The following SMTNL2 variants were observed in gnomAD, a reference collection of about 807,000 sequenced individuals.
SMTNL2 encodes the protein smoothelin-like protein 2.
A neutral mutation model predicts 44.1 loss-of-function variants in SMTNL2; 43 were observed. That is an observed-to-expected ratio of 0.98 (90% CI 0.76 to 1.26). The LOEUF (loss-of-function observed/expected upper bound fraction) is 1.26, where lower values mean the gene tolerates loss of function less well. Among genes scored for constraint, SMTNL2 ranks in the 50% most tolerant of loss-of-function variants. The pLI, the probability that SMTNL2 is intolerant of heterozygous loss-of-function variation, is 0.00. For synonymous variants in SMTNL2, 317 were observed against 287.6 expected, an observed-to-expected ratio of 1.10 and a Z score of -1.03; for missense variants, 646 against 670.2, an observed-to-expected ratio of 0.96 and a Z score of 0.40.
rs1281245963 is a variant in SMTNL2, at chr17:4,603,848, C to CT, written c.1260-3505dup. On this transcript the variant is annotated intron_variant, in intron 7 of 7. Transcript: ENST00000389313. Reference sequence around the variant, plus strand: ...CTGAACTCAGATTTTCTTTTCTTTCCTTTTTTTTCCCCTTGAGATAGAGTC... The same window carrying CT: ...CTGAACTCAGATTTTCTTTTCTTTCCTTTTTTTTTCCCCTTGAGATAGAGTC... 1.3e-4 allele frequency among the ~76,000 whole-genome samples: 19 copies of CT among 151,660 alleles called. 1 individual carries two copies. The highest frequency in any genetic ancestry group is 7.9e-4 in the Admixed American group (12 of 15,202).
Position 4,607,077 on chromosome 17 carries a change from CCT to C in SMTNL2, c.1260-283_1260-282del, listed in dbSNP as rs1231572873. The stretch of plus-strand genomic sequence containing the variant: ...TCATGCCTGGGCAACAGAGCAAGCC[CCT>C]GTCTCTAAAAAAAAAACCCAAATTA... On this transcript the variant is annotated intron_variant, in intron 7 of 7. Transcript: ENST00000389313. The surrounding 1 kb of genome is among the most constrained non-coding windows in gnomAD (Gnocchi z 4.7). Among the ~76,000 whole-genome samples the C allele has an allele frequency of 2.6e-5, 4 of 151,972 alleles. No individual in the cohort carries two copies. Among genetic ancestry groups the C allele is most frequent in the Admixed American group, 1.3e-4 (2 of 15,256 alleles).
At chr17:4,593,401 TAC>T (rs1909666365) in intron 3 of SMTNL2, among the ~76,000 whole-genome samples, 1 of 152,214 alleles carries the variant, frequency 6.6e-6, no homozygotes, top group Admixed American at 6.5e-5. Context: ...TGGCTTTTAT[TAC>T]AGTTGGAAGG....
At chr17:4,590,409 G>A (rs1381544960) in intron 1 of SMTNL2, among the ~76,000 whole-genome samples, 6 of 152,054 alleles carry the variant, frequency 3.9e-5, no homozygotes, top group African/African-American at 1.5e-4. Context: ...TCATCCCAGG[G>A]CCCCTAAGCT....
intron 1 of SMTNL2, among the ~76,000 whole-genome samples, chr17:4,585,332 C>CT (rs1217670197): frequency 2.0e-5 from 3 of 152,274 alleles, no homozygotes; most frequent in Non-Finnish European, 4.4e-5. Flanking sequence ...CTGTTCAGCA[C>CT]TGCCTGGAGC....
chr17:4,586,330 C>T (rs561711418), intron 1 of SMTNL2, among the ~76,000 whole-genome samples: 2 of 152,194 alleles, frequency 1.3e-5, no homozygotes, highest in Admixed American at 6.5e-5. Context: ...TGACACTCTA[C>T]GTGACCATGG....
intron 4 of SMTNL2, among the ~76,000 whole-genome samples, chr17:4,594,875 C>T (rs1909741130): frequency 6.6e-6 from 1 of 152,166 alleles, no homozygotes; most frequent in Non-Finnish European, 1.5e-5. Flanking sequence ...TCCCTCTGTC[C>T]TCCCCAGGCA....
At chr17:4,584,430 A>AG, upstream of SMTNL2, 2 of 569,894 alleles carry the variant, frequency 3.5e-6, no homozygotes, top group Non-Finnish European at 5.1e-6. Context: ...GCTCCAGGGC[A>AG]GGGGGGTGTC....
At chr17:4,589,961 TTTTTTTTTTTTTTTTTTTTTTTTG>T (rs1346002372) in intron 1 of SMTNL2, among the ~76,000 whole-genome samples, 59 of 55,142 alleles carry the variant, frequency 1.1e-3, no homozygotes, top group Middle Eastern at 9.1e-3. Flanking sequence ...TTTTTTTTTT[TTTTTTTTTTTTTTTTTTTTTTTTG>T]AGACAGAGTC....
chr17:4,597,471 T>G, intron 7 of SMTNL2, 148 bp downstream of exon 7: 1 of 1,115,472 alleles, frequency 9.0e-7, no homozygotes, highest in Admixed American at 2.7e-5. Flanking sequence ...TGTGTACCTC[T>G]TGTGCAGATG....
chr17:4,590,572 T>C (rs1909532539), intron 1 of SMTNL2, among the ~76,000 whole-genome samples: 1 of 152,088 alleles, frequency 6.6e-6, no homozygotes, highest in Non-Finnish European at 1.5e-5. Context: ...CCTCAACATG[T>C]CCCAACTGAA....
At chr17:4,604,681 C>CT (rs199651135) in intron 7 of SMTNL2, among the ~76,000 whole-genome samples, 7,414 of 151,414 alleles carry the variant, frequency 0.049, 486 homozygotes, top group African/African-American at 0.15. Context: ...TGATTTTTTT[C>CT]TTTTTTTTTG....
At position 4,600,625 on chromosome 17, in the gene SMTNL2, T is replaced by G. The variant is rs2150524776; in HGVS notation, c.1259+3302T>G. On this transcript the variant is annotated intron_variant, in intron 7 of 7. Transcript: ENST00000389313. The surrounding 1 kb of genome is among the most constrained non-coding windows in gnomAD (Gnocchi z 4.7). ...TTCCCGGTGGCCTAATCTGTGTGAA[T>G]GATGCAGTGTTGACAGCACAGCGAG... is the stretch of plus-strand genomic sequence containing the variant. Among the ~76,000 whole-genome samples the G allele has an allele frequency of 6.6e-6, 1 of 152,258 alleles. No individual in the cohort carries two copies. Among genetic ancestry groups the G allele is most frequent in the African/African-American group, 2.4e-5 (1 of 41,558 alleles).
chr17:4,590,338 C>T (rs985940988), intron 1 of SMTNL2, among the ~76,000 whole-genome samples: 2 of 152,072 alleles, frequency 1.3e-5, no homozygotes, highest in African/African-American at 2.4e-5. Flanking sequence ...GCTCCTCCTA[C>T]GTCTCTGGCT....
intron 7 of SMTNL2, among the ~76,000 whole-genome samples, chr17:4,605,601 T>C (rs1157748263): frequency 6.6e-6 from 1 of 152,164 alleles, no homozygotes. Flanking sequence ...AAATGAAGTG[T>C]GTTGCCCACA....
Position 4,584,762 on chromosome 17 carries a change from G to C in SMTNL2, c.157G>C (p.Ala53Pro). 1 of 1,309,216 alleles carries C rather than the reference G, an allele frequency of 7.6e-7. No individual in the cohort carries two copies. The highest frequency in any genetic ancestry group is 9.7e-7 in the Non-Finnish European group (1 of 1,032,590). 81.1% of individuals were successfully genotyped at this position (1,309,216 alleles called of 1,614,324 possible). The stretch of plus-strand genomic sequence containing the variant: ...GCGAGTGGCAGAGGCGATGCGCCTG[G>C]CCGGCCCCCTGGCGCGCACGGTGGC... ...ERRVAEAMRL[A>P]GPLARTVADL... Residue 53 changes from alanine (A) to proline (P), a missense_variant, in exon 1 of 8, where the codon GCC becomes CCC. Physicochemically the swap from Ala to Pro is conservative, Grantham distance 27. Transcript: ENST00000389313.
chr17:4,589,298 C>A (rs1269389497), intron 1 of SMTNL2, among the ~76,000 whole-genome samples: 2 of 152,140 alleles, frequency 1.3e-5, no homozygotes, highest in Admixed American at 1.3e-4. Flanking sequence ...CTCAGCCTTT[C>A]CCCCCAGAGC....
Position 4,607,558 on chromosome 17 carries a change from C to A in SMTNL2, c.*71C>A. The A allele has an allele frequency of 6.3e-7, 1 of 1,580,716 alleles. No individual in the cohort carries two copies. Among genetic ancestry groups the A allele is most frequent in the South Asian group, 1.1e-5 (1 of 87,498 alleles). ...GGGGGTCCGCTTGCGATTCCCCAGC[C>A]AGGATGCCCCCAGGAGCCTTGCCGT... is the stretch of plus-strand genomic sequence containing the variant. On this transcript the variant is annotated 3_prime_UTR_variant, in exon 8 of 8. Transcript: ENST00000389313. The surrounding 1 kb of genome is among the most constrained non-coding windows in gnomAD (Gnocchi z 4.7).
At position 4,589,675 on chromosome 17, in the gene SMTNL2, C is replaced by T. The variant is rs145906234; in HGVS notation, c.400-2686C>T. ...GCAGATGCTCCCCTCACCTTTCTCA[C>T]CCTATGAATGTGGTCTTGCCTCTTC... On this transcript the variant is annotated intron_variant, in intron 1 of 7. Coordinates refer to ENST00000389313, the MANE Select transcript of SMTNL2 (RefSeq NM_001114974.2). Among the ~76,000 whole-genome samples, 1,490 of 152,266 alleles carry T rather than the reference C, an allele frequency of 9.8e-3. 12 individuals carry two copies. The highest frequency in any genetic ancestry group is 0.016 in the Non-Finnish European group (1,064 of 68,012).
chr17:4,592,493 TTAAG>T lies in SMTNL2; in HGVS notation c.487+50_487+53del, dbSNP rs751090520. 3.2e-6 allele frequency: 5 copies of T among 1,567,172 alleles called. No homozygotes were observed. The highest frequency in any genetic ancestry group is 4.3e-6 in the Non-Finnish European group (5 of 1,150,236). Reference sequence around the variant, plus strand: ...AGGGGTGGCTGGGTAGGTTTGGGGGTTAAGTAAGGCCTTGGTCAGGTATCTGTGC... The same window carrying T: ...AGGGGTGGCTGGGTAGGTTTGGGGGTTAAGGCCTTGGTCAGGTATCTGTGC... On this transcript the variant is annotated intron_variant, in intron 2 of 7. Coordinates refer to ENST00000389313, the MANE Select transcript of SMTNL2 (RefSeq NM_001114974.2). This position sits in a 1 kb window ranked among gnomAD's most constrained non-coding sequence, Gnocchi z 4.5.
Sources: allele counts gnomAD v4.1 joint callset (sites outside exome capture counted in the v4.1 genomes callset), GRCh38; gene constraint gnomAD v4.1.1; non-coding constraint Gnocchi (gnomAD v3.1); transcripts MANE v1.5; gene names NCBI Gene and HGNC (gene_info 2026-07-23, HGNC 2026-07-21).